Variants in HTR2C observed in about 807,000 individuals in gnomAD.
The protein encoded by HTR2C is 5-hydroxytryptamine (serotonin) receptor 2C, G protein-coupled.
HTR2C carries 5 observed loss-of-function variants against 21.0 expected under a neutral mutation model. That is an observed-to-expected ratio of 0.24 (90% CI 0.12 to 0.50). The LOEUF (loss-of-function observed/expected upper bound fraction) is 0.50, where lower values mean the gene tolerates loss of function less well. HTR2C is among the 20% of genes least tolerant of loss of function. The pLI is 0.98. For missense variants in HTR2C, 271 were observed against 371.2 expected, an observed-to-expected ratio of 0.73 and a Z score of 2.22; for synonymous variants, 150 against 145.3, an observed-to-expected ratio of 1.03 and a Z score of -0.23.
chrX:114,649,879 TG>T (rs1195080662), intron 2 of HTR2C, among the ~76,000 whole-genome samples: 15 of 111,617 alleles, frequency 1.3e-4, no homozygotes, highest in Admixed American at 2.9e-4. Context: ...CCTCCGAAAG[TG>T]CTGGAATTAC....
At chrX:114,847,966 G>A in intron 4 of HTR2C, 37 bp from the exon 5 acceptor site, 1 of 1,070,845 alleles carries the variant, frequency 9.3e-7, no homozygotes, top group Non-Finnish European at 1.3e-6. Flanking sequence ...GTACAATTTG[G>A]ATGACGTGTT....
At chrX:114,800,573 C>A (rs2070336020) in intron 4 of HTR2C, among the ~76,000 whole-genome samples, 1 of 111,360 alleles carries the variant, frequency 9.0e-6, no homozygotes, top group Non-Finnish European at 1.9e-5. Context: ...ACTTCTTTGG[C>A]TAGCCATATA....
chrX:114,905,912 G>C (rs781935977), intron 5 of HTR2C, among the ~76,000 whole-genome samples: 2 of 111,120 alleles, frequency 1.8e-5, no homozygotes, highest in African/African-American at 6.5e-5. Flanking sequence ...ATTCCACACA[G>C]AAACTGGAGG....
chrX:114,724,192 G>A (rs782071457), intron 2 of HTR2C, among the ~76,000 whole-genome samples: 8 of 88,383 alleles, frequency 9.1e-5, no homozygotes, highest in East Asian at 4.3e-4. Flanking sequence ...TTATGAATCT[G>A]GGTGCTCCTG....
chrX:114,869,086 G>A (rs1362492637), intron 5 of HTR2C, among the ~76,000 whole-genome samples: 1 of 110,367 alleles, frequency 9.1e-6, no homozygotes, highest in African/African-American at 3.3e-5. Flanking sequence ...ATGAGAACAT[G>A]CGGTGTTTGG....
intron 2 of HTR2C, chrX:114,717,789 C>G (rs1359467304): frequency 2.7e-5 from 3 of 111,472 alleles, no homozygotes; most frequent in African/African-American, 6.5e-5. Context: ...AAAACCACAG[C>G]TCTTCCTTTA....
chrX:114,663,569 A>G (rs1931070365), intron 2 of HTR2C, among the ~76,000 whole-genome samples: 1 of 111,108 alleles, frequency 9.0e-6, no homozygotes, highest in African/African-American at 3.3e-5. Context: ...TCTCCCTATA[A>G]AGGTTTTTGT....
At chrX:114,848,706 C>G (rs1429821969) in intron 5 of HTR2C, among the ~76,000 whole-genome samples, 2 of 110,675 alleles carry the variant, frequency 1.8e-5, no homozygotes, top group Non-Finnish European at 3.8e-5. Context: ...GTTGCTATGA[C>G]ACCTAAAATG....
chrX:114,741,465 A>G (rs1602737517), intron 4 of HTR2C, among the ~76,000 whole-genome samples: 1 of 92,756 alleles, frequency 1.1e-5, no homozygotes, highest in East Asian at 3.8e-4. Flanking sequence ...GCAGTGAGCC[A>G]AGAGCTGAGA....
Position 114,676,847 on chromosome X carries a change from C to T in HTR2C, c.-79-50011C>T, listed in dbSNP as rs782424442. On this transcript the variant is annotated intron_variant, in intron 2 of 5. Transcript: ENST00000276198. ...TATTTGCATTGAGCCAAAAACTATT[C>T]GGATAACAGGTGGCCTGAGTGGGTG... Among the ~76,000 whole-genome samples the T allele has an allele frequency of 5.4e-5, 6 of 111,894 alleles. No individual in the cohort carries two copies. In the South Asian group the frequency reaches 2.2e-3, roughly 41 times the overall value.
At chrX:114,607,004 G>T (rs782142843) in intron 1 of HTR2C, among the ~76,000 whole-genome samples, 1 of 107,835 alleles carries the variant, frequency 9.3e-6, no homozygotes, top group Non-Finnish European at 1.9e-5. Context: ...GTCGCAAGGT[G>T]CTCAGTGGGG....
At chrX:114,898,254 G>GT (rs1286827774) in intron 5 of HTR2C, among the ~76,000 whole-genome samples, 2 of 112,241 alleles carry the variant, frequency 1.8e-5, no homozygotes, top group Non-Finnish European at 3.8e-5. Context: ...TAATGGAGTT[G>GT]TTTTTTTCTT....
chrX:114,606,798 G>A (rs1345005466), intron 1 of HTR2C, among the ~76,000 whole-genome samples: 1 of 111,628 alleles, frequency 9.0e-6, no homozygotes, highest in Non-Finnish European at 1.9e-5. Context: ...CAAATTTCAT[G>A]TGTGTCCGTG....
chrX:114,782,240 C>T (rs781907722), intron 4 of HTR2C, among the ~76,000 whole-genome samples: 9 of 108,554 alleles, frequency 8.3e-5, no homozygotes, highest in African/African-American at 3.0e-4. Flanking sequence ...AAAATAAATA[C>T]AGATGAAAAC....
chrX:114,845,013 C>T (rs142586571), intron 4 of HTR2C, among the ~76,000 whole-genome samples: 1,563 of 111,289 alleles, frequency 0.014, 14 homozygotes, highest in Admixed American at 0.032. Flanking sequence ...TATAAAACAA[C>T]TAATTCTAAC....
intron 5 of HTR2C, among the ~76,000 whole-genome samples, chrX:114,894,849 C>T (rs1231418984): frequency 3.6e-5 from 4 of 109,953 alleles, no homozygotes; most frequent in African/African-American, 1.3e-4. Context: ...GCCTCGAGTA[C>T]TTGGTATTCC....
intron 2 of HTR2C, among the ~76,000 whole-genome samples, chrX:114,698,979 G>A (rs1336732946): frequency 1.8e-5 from 2 of 111,407 alleles, no homozygotes; most frequent in Admixed American, 9.6e-5. Context: ...GTCACTCGAC[G>A]GCAGCTTTAA....
intron 2 of HTR2C, among the ~76,000 whole-genome samples, chrX:114,724,540 G>C (rs1556421409): frequency 1.6e-5 from 1 of 62,092 alleles, no homozygotes; most frequent in Non-Finnish European, 3.3e-5. Flanking sequence ...TGTTATGTGT[G>C]AATTTGATCC....
In HTR2C at chrX:114,614,253, G is replaced by GT. The variant is rs1260148027; in HGVS notation, c.-80+379dup. Among the ~76,000 whole-genome samples, 24 of 106,909 alleles carry GT rather than the reference G, an allele frequency of 2.2e-4. 1 individual carries two copies. The highest frequency in any genetic ancestry group is 8.0e-4 in the Admixed American group (8 of 9,982). The allele number at this position is 106,909 out of a possible 115,157, so 92.8% of individuals were successfully genotyped here. On this transcript the variant is annotated intron_variant, in intron 2 of 5. Coordinates refer to ENST00000276198, the MANE Select transcript of HTR2C (RefSeq NM_000868.4). ...AATGACAAACTCTTGTTTTTTTTTTGTTTTTTTGTTTTGTTTTGTTTTCTT... is the reference window on the plus strand; with the variant it reads ...AATGACAAACTCTTGTTTTTTTTTTGTTTTTTTTGTTTTGTTTTGTTTTCTT...
Sources: gnomAD v4.1 joint callset for allele counts (sites outside exome capture counted in the v4.1 genomes callset) on GRCh38, gnomAD v4.1.1 for gene constraint, MANE v1.5 for transcripts, NCBI Gene and HGNC (gene_info 2026-07-23, HGNC 2026-07-21) for gene names.